Variants in SUGCT observed in about 807,000 individuals in gnomAD.
The protein encoded by SUGCT is succinyl-CoA:glutarate-CoA transferase, also known as succinyl-CoA:glutarate CoA-transferase.
A neutral mutation model predicts 55.0 loss-of-function variants in SUGCT; 41 were observed. That is an observed-to-expected ratio of 0.74 (90% CI 0.58 to 0.97). The LOEUF is 0.97. SUGCT is among the 50% of genes least tolerant of loss of function. The pLI is 0.00. For missense variants in SUGCT, 568 were observed against 547.8 expected (o/e 1.04, Z -0.37); for synonymous variants, 187 against 200.4 (o/e 0.93, Z 0.56).
intron 12 of SUGCT, among the ~76,000 whole-genome samples, chr7:40,744,142 G>A (rs1327922154): frequency 2.0e-5 from 3 of 151,248 alleles, no homozygotes; most frequent in African/African-American, 4.9e-5. Flanking sequence ...CGGCCAGGCT[G>A]GTCTTGAACT....
chr7:40,312,150 G>T (rs926615912), intron 8 of SUGCT, among the ~76,000 whole-genome samples: 1 of 150,512 alleles, frequency 6.6e-6, no homozygotes, highest in Non-Finnish European at 1.5e-5. Flanking sequence ...AGCGATTCTC[G>T]TGCCTCAGCC....
chr7:40,303,887 G>A (rs376772932), intron 8 of SUGCT, among the ~76,000 whole-genome samples: 1 of 152,050 alleles, frequency 6.6e-6, no homozygotes, highest in Non-Finnish European at 1.5e-5. Context: ...CTTGAGGTCA[G>A]GAGTGTGAGA....
intron 12 of SUGCT, chr7:40,498,955 G>A: frequency 2.4e-6 from 1 of 413,364 alleles, no homozygotes; most frequent in Non-Finnish European, 4.8e-6. Flanking sequence ...TCTGATGATT[G>A]AAAATCCTTT....
chr7:40,831,701 C>T (rs565848311), intron 13 of SUGCT, among the ~76,000 whole-genome samples: 6 of 152,258 alleles, frequency 3.9e-5, no homozygotes, highest in East Asian at 3.9e-4. Context: ...CCTTGAGTTC[C>T]GACTGTGAAC....
At chr7:40,953,604 T>A in the SUGCT span, among the ~76,000 whole-genome samples, 1 of 152,230 alleles carries the variant, frequency 6.6e-6, no homozygotes, top group African/African-American at 2.4e-5. Context: ...TGGTCTTTGA[T>A]GATGGTGACA....
chr7:40,616,877 G>A (rs1178354531), intron 12 of SUGCT, among the ~76,000 whole-genome samples: 1 of 152,186 alleles, frequency 6.6e-6, no homozygotes, highest in South Asian at 2.1e-4. Context: ...CTATTTGATT[G>A]ATGTTGGTTG....
intron 12 of SUGCT, among the ~76,000 whole-genome samples, chr7:40,706,815 T>G (rs1054821400): frequency 7.2e-5 from 11 of 152,218 alleles, no homozygotes; most frequent in African/African-American, 2.2e-4. Flanking sequence ...GAGATAGCTT[T>G]GTGTGCTGGC....
chr7:40,513,566 C>T (rs973901608), intron 12 of SUGCT, among the ~76,000 whole-genome samples: 3 of 152,126 alleles, frequency 2.0e-5, no homozygotes, highest in Non-Finnish European at 4.4e-5. Flanking sequence ...CAGGACCTAC[C>T]TAACCTCAGG....
chr7:40,377,182 CTTT>C, intron 9 of SUGCT, among the ~76,000 whole-genome samples: 1 of 15,710 alleles, frequency 6.4e-5, no homozygotes, highest in African/African-American at 9.7e-5. Flanking sequence ...TTCTTTCTTT[CTTT>C]CTTTCTTTCT....
the SUGCT span, among the ~76,000 whole-genome samples, chr7:40,987,842 G>A: frequency 6.6e-6 from 1 of 152,128 alleles, no homozygotes; most frequent in Non-Finnish European, 1.5e-5. Context: ...TTATCCATCT[G>A]CACAGAGAGG....
At chr7:40,363,961 A>G (rs559030972) in intron 9 of SUGCT, among the ~76,000 whole-genome samples, 1 of 152,292 alleles carries the variant, frequency 6.6e-6, no homozygotes, top group South Asian at 2.1e-4. Flanking sequence ...ATCTCTTTGT[A>G]GGTCACTCAG....
At chr7:40,759,881 A>G (rs1197533425) in intron 13 of SUGCT, among the ~76,000 whole-genome samples, 2 of 150,480 alleles carry the variant, frequency 1.3e-5, no homozygotes, top group Non-Finnish European at 3.0e-5. Context: ...TTGTGTTTCT[A>G]TTAAAAAAAA....
At chr7:40,547,377 G>A (rs1795046695) in intron 12 of SUGCT, among the ~76,000 whole-genome samples, 2 of 152,218 alleles carry the variant, frequency 1.3e-5, no homozygotes, top group African/African-American at 4.8e-5. Context: ...CTGTGGCCCT[G>A]TCAAGTTTAT....
intron 12 of SUGCT, among the ~76,000 whole-genome samples, chr7:40,685,394 G>A (rs1240097304): frequency 6.6e-6 from 1 of 152,178 alleles, no homozygotes; most frequent in East Asian, 1.9e-4. Flanking sequence ...CTGTTTGACT[G>A]TCTTCCTGAA....
the SUGCT span, among the ~76,000 whole-genome samples, chr7:41,031,219 C>A: frequency 6.6e-6 from 1 of 152,168 alleles, no homozygotes; most frequent in Non-Finnish European, 1.5e-5. Context: ...GTCTTCTATG[C>A]TAATAGCTTA....
At chr7:40,604,332 T>TA (rs1798425152) in intron 12 of SUGCT, among the ~76,000 whole-genome samples, 1 of 152,196 alleles carries the variant, frequency 6.6e-6, no homozygotes, top group Non-Finnish European at 1.5e-5. Context: ...CCTTGAATGT[T>TA]ACATGAATCT....
At position 40,459,107 on chromosome 7, in the gene SUGCT, G is replaced by T. The variant is rs775757170; in HGVS notation, c.895G>T (p.Asp299Tyr). ...QQFATVCKIL[D>Y]LPELIDNSKY... ...AATTATTTTTTTCTTTTAGATCTTG[G>T]ATTTGCCTGAGTTGATTGATAATTC... The change falls in exon 11 of 14, where the codon GAT becomes TAT. Residue 299 changes from aspartate (D) to tyrosine (Y), a missense_variant. Asp to Tyr is a radical substitution (Grantham distance 160). Transcript: ENST00000335693. The T allele has an allele frequency of 3.1e-6, 5 of 1,607,728 alleles. No individual in the cohort carries two copies. The highest frequency in any genetic ancestry group is 4.3e-6 in the Non-Finnish European group (5 of 1,175,682).
rs575327742 is a variant in SUGCT, at chr7:40,198,921, A to T, written c.484+3861A>T. Reference sequence around the variant, plus strand: ...AGGCAGGAGAATTGCATGAACCTGGAGGCAGAGGTTGCAGTGAGCCGAAAT... The same window carrying T: ...AGGCAGGAGAATTGCATGAACCTGGTGGCAGAGGTTGCAGTGAGCCGAAAT... On this transcript the variant is annotated intron_variant, in intron 6 of 13. Transcript: ENST00000335693. Among the ~76,000 whole-genome samples the T allele has an allele frequency of 6.0e-4, 91 of 152,112 alleles. 2 individuals are homozygous for T. In the South Asian group the frequency reaches 0.017, roughly 29 times the overall value.
chr7:40,878,471 A>G, the SUGCT span, among the ~76,000 whole-genome samples: 80,951 of 152,064 alleles, frequency 0.53, 22,853 homozygotes, highest in East Asian at 0.9. Flanking sequence ...GTGAAAACAG[A>G]AGGAGCTGAC....
Sources: gnomAD v4.1 joint callset for allele counts (sites outside exome capture counted in the v4.1 genomes callset) on GRCh38, gnomAD v4.1.1 for gene constraint, MANE v1.5 for transcripts, NCBI Gene and HGNC (gene_info 2026-07-23, HGNC 2026-07-21) for gene names.